DOCK4: variants seen among roughly 807,000 people sequenced by gnomAD.
DOCK4 encodes dedicator of cytokinesis 4, also known as dedicator of cytokinesis protein 4.
In DOCK4, 97 loss-of-function variants were observed where a neutral mutation model predicts 268.1. The observed-to-expected ratio is 0.36, with a 90% CI of 0.31 to 0.43. DOCK4 has a LOEUF of 0.43. DOCK4 is among the 20% of genes least tolerant of loss of function. The pLI, the probability that DOCK4 is intolerant of heterozygous loss-of-function variation, is 1.00. For synonymous variants in DOCK4, 954 were observed against 887.2 expected (o/e 1.08, Z -1.34); for missense variants, 2,145 against 2,455.7 (o/e 0.87, Z 2.67).
chr7:111,874,668 A>C (rs930811224), intron 17 of DOCK4, among the ~76,000 whole-genome samples: 5 of 152,212 alleles, frequency 3.3e-5, no homozygotes, highest in Non-Finnish European at 7.3e-5. Context: ...CATTCCATTC[A>C]ACAGGCATTT....
intron 12 of DOCK4, among the ~76,000 whole-genome samples, chr7:111,933,298 A>ATATATATTT (rs1554380830): frequency 1.3e-5 from 1 of 74,826 alleles, no homozygotes; most frequent in African/African-American, 6.6e-5. Flanking sequence ...ATATATATAT[A>ATATATATTT]TTTTTTTTTT....
chr7:112,153,702 T>G (rs1276777746), intron 1 of DOCK4, among the ~76,000 whole-genome samples: 1 of 152,142 alleles, frequency 6.6e-6, no homozygotes, highest in Non-Finnish European at 1.5e-5. Flanking sequence ...TTATTCCAAC[T>G]AGAAAATTAA....
intron 30 of DOCK4, among the ~76,000 whole-genome samples, chr7:111,793,397 T>C (rs539193493): frequency 7.9e-5 from 12 of 152,372 alleles, no homozygotes; most frequent in East Asian, 5.8e-4. Flanking sequence ...TTTTTAAGTA[T>C]TGAAATTACT....
intron 1 of DOCK4, among the ~76,000 whole-genome samples, chr7:112,179,975 G>C (rs1435065543): frequency 6.6e-6 from 1 of 152,066 alleles, no homozygotes; most frequent in Non-Finnish European, 1.5e-5. Flanking sequence ...TGGAGTGGGG[G>C]TGGGTGCACA....
chr7:111,787,936 C>A (rs1799290327), intron 32 of DOCK4, among the ~76,000 whole-genome samples: 1 of 152,120 alleles, frequency 6.6e-6, no homozygotes, highest in Non-Finnish European at 1.5e-5. Flanking sequence ...AAAACAAGTG[C>A]CAGAAGTGAA....
At chr7:112,163,783 C>T (rs1213878039) in intron 1 of DOCK4, among the ~76,000 whole-genome samples, 1 of 152,150 alleles carries the variant, frequency 6.6e-6, no homozygotes, top group Admixed American at 6.5e-5. Context: ...TAGACTTGAA[C>T]TGCCTGGTGA....
intron 1 of DOCK4, among the ~76,000 whole-genome samples, chr7:112,096,045 C>T (rs1311955182): frequency 6.6e-6 from 1 of 152,120 alleles, no homozygotes. Context: ...GCTGAGATTG[C>T]ACCATTGCAC....
chr7:112,036,635 T>C (rs1803800782), intron 1 of DOCK4, among the ~76,000 whole-genome samples: 1 of 151,542 alleles, frequency 6.6e-6, no homozygotes, highest in Non-Finnish European at 1.5e-5. Flanking sequence ...ATTCCCAACT[T>C]ACAGTGGTCT....
intron 1 of DOCK4, among the ~76,000 whole-genome samples, chr7:112,044,057 G>A (rs1412647969): frequency 1.3e-5 from 2 of 150,446 alleles, no homozygotes; most frequent in East Asian, 4.2e-4. Flanking sequence ...ACTCTGTGAG[G>A]TACATACTAT....
At chr7:111,996,006 A>G (rs1799926975) in intron 4 of DOCK4, among the ~76,000 whole-genome samples, 1 of 152,224 alleles carries the variant, frequency 6.6e-6, no homozygotes, top group Non-Finnish European at 1.5e-5. Flanking sequence ...AGCGTTTGCA[A>G]TTTAAATGAT....
At chr7:112,035,346 CAT>C (rs1803659436) in intron 1 of DOCK4, among the ~76,000 whole-genome samples, 1 of 151,526 alleles carries the variant, frequency 6.6e-6, no homozygotes, top group Admixed American at 6.6e-5. Flanking sequence ...CATGCAAAGA[CAT>C]ATGTAAACTA....
chr7:111,914,438 C>G (rs1792411355), intron 13 of DOCK4, among the ~76,000 whole-genome samples: 2 of 152,132 alleles, frequency 1.3e-5, no homozygotes, highest in African/African-American at 2.4e-5. Flanking sequence ...GAATAAGACC[C>G]AAAGTGCTGA....
chr7:111,790,730 C>A, intron 30 of DOCK4, 125 bp from the exon 31 acceptor site: 1 of 1,164,802 alleles, frequency 8.6e-7, no homozygotes, highest in Non-Finnish European at 1.2e-6. Context: ...TCTCCTCAAG[C>A]AAGAAAATAT....
Position 111,788,750 on chromosome 7 carries a change from G to A in DOCK4, c.3316-3C>T, listed in dbSNP as rs1799341983. 6.3e-7 allele frequency: 1 copy of A among 1,581,828 alleles called. No homozygotes were observed. The highest frequency in any genetic ancestry group is 1.3e-5 in the African/African-American group (1 of 74,634). On this transcript the variant is annotated splice_region_variant and splice_polypyrimidine_tract_variant and intron_variant, in intron 31 of 52. Transcript: ENST00000428084. ...TTGTCAATTAGCTTGGCTTCCACCTGAAACATACCCAACTATTATTCTCTT... is the reference window on the plus strand; with the variant it reads ...TTGTCAATTAGCTTGGCTTCCACCTAAAACATACCCAACTATTATTCTCTT...
At chr7:111,975,019 C>A (rs946809187) in intron 8 of DOCK4, among the ~76,000 whole-genome samples, 1 of 152,272 alleles carries the variant, frequency 6.6e-6, no homozygotes, top group African/African-American at 2.4e-5. Context: ...TAATCCCCAG[C>A]ACTTTGGGAG....
At chr7:112,022,729 C>G (rs1352933839) in intron 1 of DOCK4, among the ~76,000 whole-genome samples, 17 of 152,150 alleles carry the variant, frequency 1.1e-4, no homozygotes, top group Non-Finnish European at 2.9e-5. Context: ...TCAATGTTGA[C>G]CATTTCTTTG....
intron 30 of DOCK4, among the ~76,000 whole-genome samples, chr7:111,796,806 G>T (rs946210489): frequency 2.0e-5 from 3 of 152,142 alleles, no homozygotes; most frequent in African/African-American, 7.2e-5. Flanking sequence ...AAGTGAAAGG[G>T]GGAATCATAC....
intron 8 of DOCK4, among the ~76,000 whole-genome samples, chr7:111,962,591 G>C (rs1310191284): frequency 2.0e-5 from 3 of 152,124 alleles, no homozygotes; most frequent in African/African-American, 7.2e-5. Flanking sequence ...TGGGGGTGAA[G>C]AGATATCCAG....
chr7:112,043,935 GAAT>G (rs1188308671), intron 1 of DOCK4, among the ~76,000 whole-genome samples: 1 of 152,084 alleles, frequency 6.6e-6, no homozygotes, highest in African/African-American at 2.4e-5. Context: ...GAGTGACTTA[GAAT>G]AATAATTATT....
Sources: allele counts gnomAD v4.1 joint callset (sites outside exome capture counted in the v4.1 genomes callset), GRCh38; gene constraint gnomAD v4.1.1; transcripts MANE v1.5; gene names NCBI Gene and HGNC (gene_info 2026-07-23, HGNC 2026-07-21).